The following ZNF827 variants were observed in gnomAD, a reference collection of about 807,000 sequenced individuals.
ZNF827 encodes zinc finger protein 827.
A neutral mutation model predicts 102.4 loss-of-function variants in ZNF827; 13 were observed. The observed-to-expected ratio is 0.13, with a 90% confidence interval of 0.08 to 0.20. The LOEUF (loss-of-function observed/expected upper bound fraction) is 0.20, where lower values mean the gene tolerates loss of function less well. ZNF827 is among the 10% of genes least tolerant of loss of function. ZNF827 has a pLI of 1.00. For missense variants in ZNF827, 1,103 were observed against 1,344.4 expected, an observed-to-expected ratio of 0.82 and a Z score of 2.81; for synonymous variants, 523 against 536.2, an observed-to-expected ratio of 0.98 and a Z score of 0.34.
chr4:145,758,390 T>C lies in ZNF827; in HGVS notation c.*3226A>G, dbSNP rs1734121996. 1 of 152,180 alleles carries C rather than the reference T, an allele frequency of 6.6e-6. No homozygotes were observed. Among genetic ancestry groups the C allele is most frequent in the South Asian group, 2.1e-4 (1 of 4,822 alleles). 9.4% of individuals were successfully genotyped at this position (152,180 alleles called of 1,614,324 possible). ...CACAAGTGGCATGCTGTAAAACCTA[T>C]AGTCTGAATTGTCAGGGCCACCCTT... On this transcript the variant is annotated 3_prime_UTR_variant, in exon 15 of 15. Coordinates refer to ENST00000508784, the MANE Select transcript of ZNF827 (RefSeq NM_001306215.2).
At chr4:145,785,826 T>C (rs1738776259) in intron 8 of ZNF827, among the ~76,000 whole-genome samples, 1 of 152,234 alleles carries the variant, frequency 6.6e-6, no homozygotes, top group Non-Finnish European at 1.5e-5. Flanking sequence ...TTTCTTCTCT[T>C]CCTGTTCTTT....
At chr4:145,897,584 T>G (rs1751078585) in intron 2 of ZNF827, among the ~76,000 whole-genome samples, 1 of 152,240 alleles carries the variant, frequency 6.6e-6, no homozygotes, top group Admixed American at 6.5e-5. Context: ...TAACAGAATT[T>G]CTTTGTTATG....
intron 7 of ZNF827, among the ~76,000 whole-genome samples, chr4:145,823,850 C>T (rs1743404511): frequency 6.6e-6 from 1 of 152,146 alleles, no homozygotes; most frequent in Non-Finnish European, 1.5e-5. Context: ...GTGTGTTGTG[C>T]CCTGCCTGGG....
rs368668704 is a variant in ZNF827 at position 145,849,318 on chromosome 4, A to G, written c.2221+4T>C. 36 of 1,613,658 alleles carry G rather than the reference A, an allele frequency of 2.2e-5. No individual in the cohort carries two copies. The African/African-American group carries it at 2.8e-4, about 13-fold the overall frequency. On this transcript the variant is annotated splice_donor_region_variant and intron_variant, in intron 6 of 14. Coordinates refer to ENST00000508784, the MANE Select transcript of ZNF827 (RefSeq NM_001306215.2). ...AATTGACATTTTCCTGTGCATAAAC[A>G]TACCTGACAGTTGAAAGAGGAGCTC... is the stretch of plus-strand genomic sequence containing the variant.
At position 145,761,376 on chromosome 4, in the gene ZNF827, G is replaced by A. The variant is rs1406995819; in HGVS notation, c.*240C>T. ...GGAAGGGCCGCTCCCCGGTGTGGAC[G>A]CGCACGTGCTCGATGAGCTTGTTGG... On this transcript the variant is annotated 3_prime_UTR_variant, in exon 15 of 15. Coordinates refer to ENST00000508784, the MANE Select transcript of ZNF827 (RefSeq NM_001306215.2). This position sits in a 1 kb window ranked among gnomAD's most constrained non-coding sequence, Gnocchi z 6.8. 4 of 1,289,908 alleles carry A rather than the reference G, an allele frequency of 3.1e-6. No individual in the cohort carries two copies. The highest frequency in any genetic ancestry group is 2.1e-4 in the Middle Eastern group (1 of 4,696). The allele number at this position is 1,289,908 out of a possible 1,614,324, so 79.9% of individuals were successfully genotyped here.
intron 7 of ZNF827, chr4:145,835,164 C>T (rs901538758): frequency 7.9e-5 from 12 of 152,248 alleles, no homozygotes; most frequent in African/African-American, 2.9e-4. Context: ...GAACTCTAGC[C>T]CAAGGCTCTC....
chr4:145,925,827 C>T (rs189186390), intron 1 of ZNF827, among the ~76,000 whole-genome samples: 1 of 152,342 alleles, frequency 6.6e-6, no homozygotes, highest in African/African-American at 2.4e-5. Flanking sequence ...TCTCACCCCA[C>T]ATTACTTGAA....
intron 5 of ZNF827, among the ~76,000 whole-genome samples, chr4:145,868,450 G>C (rs1243070711): frequency 6.6e-6 from 1 of 152,180 alleles, no homozygotes; most frequent in South Asian, 2.1e-4. Context: ...TTTGGAAACA[G>C]GACGTCATCC....
chr4:145,800,237 C>T (rs1210479899), intron 8 of ZNF827, among the ~76,000 whole-genome samples: 1 of 152,098 alleles, frequency 6.6e-6, no homozygotes, highest in African/African-American at 2.4e-5. Context: ...TTTTATAAAA[C>T]AAGTACCAGT....
chr4:145,931,021 A>G (rs1579598096), intron 1 of ZNF827, among the ~76,000 whole-genome samples: 1 of 152,222 alleles, frequency 6.6e-6, no homozygotes. Context: ...GAATGACAGG[A>G]GTCATCAGAG....
intron 1 of ZNF827, among the ~76,000 whole-genome samples, chr4:145,933,185 T>C (rs572549539): frequency 1.3e-5 from 2 of 152,336 alleles, no homozygotes; most frequent in African/African-American, 4.8e-5. Context: ...ACAGGAAAGC[T>C]CAGTGATACC....
chr4:145,794,283 G>A (rs908632534), intron 8 of ZNF827, among the ~76,000 whole-genome samples: 1 of 152,176 alleles, frequency 6.6e-6, no homozygotes, highest in Non-Finnish European at 1.5e-5. Flanking sequence ...GTGTATGGCT[G>A]CTTTTTCAGC....
intron 6 of ZNF827, among the ~76,000 whole-genome samples, chr4:145,848,625 CA>C (rs375241342): frequency 0.031 from 4,737 of 152,088 alleles, 115 homozygotes; most frequent in Non-Finnish European, 0.048. Context: ...CAATCATGTG[CA>C]AAAAAATAGA....
intron 1 of ZNF827, chr4:145,907,174 C>G (rs756128425): frequency 2.6e-4 from 118 of 456,298 alleles, no homozygotes; most frequent in Non-Finnish European, 3.6e-4. Context: ...TCTGTGTTCA[C>G]AAAACAGCAA....
intron 10 of ZNF827, 95 bp from the exon 11 acceptor site, chr4:145,774,767 A>G: frequency 7.3e-7 from 1 of 1,367,648 alleles, no homozygotes; most frequent in Non-Finnish European, 9.9e-7. Context: ...CACTCAAGAA[A>G]ACTGGAATTT....
At chr4:145,874,665 T>A (rs1202695384) in intron 4 of ZNF827, among the ~76,000 whole-genome samples, 1 of 152,236 alleles carries the variant, frequency 6.6e-6, no homozygotes, top group Non-Finnish European at 1.5e-5. Context: ...ACTCATGACA[T>A]AGTCTTCACT....
At chr4:145,937,878 T>G (rs1165962441) in intron 1 of ZNF827, among the ~76,000 whole-genome samples, 1 of 143,020 alleles carries the variant, frequency 7.0e-6, no homozygotes, top group Non-Finnish European at 1.5e-5. Flanking sequence ...CCAAACGCCA[T>G]GTCACGGCCC....
chr4:145,796,545 A>G (rs1370512020), intron 8 of ZNF827, among the ~76,000 whole-genome samples: 1 of 152,152 alleles, frequency 6.6e-6, no homozygotes, highest in Non-Finnish European at 1.5e-5. Context: ...GGTGACAGCA[A>G]TAATACAATT....
chr4:145,791,864 T>A (rs906053011), intron 8 of ZNF827, among the ~76,000 whole-genome samples: 7 of 152,238 alleles, frequency 4.6e-5, no homozygotes, highest in African/African-American at 1.7e-4. Context: ...GAATTGATTA[T>A]GAAATCAGCT....
Sources: gnomAD v4.1 joint callset for allele counts (sites outside exome capture counted in the v4.1 genomes callset) on GRCh38, gnomAD v4.1.1 for gene constraint, Gnocchi (gnomAD v3.1) non-coding constraint, MANE v1.5 for transcripts, NCBI Gene and HGNC (gene_info 2026-07-23, HGNC 2026-07-21) for gene names.